The following TMEM200A variants were observed in gnomAD, a reference collection of about 807,000 sequenced individuals.
The protein encoded by TMEM200A is two transmembrane C.
A neutral mutation model predicts 24.3 loss-of-function variants in TMEM200A; 12 were observed. The observed-to-expected ratio is 0.49, with a 90% CI of 0.32 to 0.80. TMEM200A has a LOEUF of 0.80. Among genes scored for constraint, TMEM200A ranks in the 30% least tolerant of loss-of-function variants. TMEM200A has a pLI of 0.04. For missense variants in TMEM200A, 545 were observed against 614.4 expected (o/e 0.89, Z 1.19); for synonymous variants, 224 against 224.4 (o/e 1.00, Z 0.02).
At chr6:130,376,690 G>A (rs189584508) in intron 1 of TMEM200A, among the ~76,000 whole-genome samples, 1 of 147,030 alleles carries the variant, frequency 6.8e-6, no homozygotes, top group Non-Finnish European at 1.5e-5. Context: ...ATTTTAAATT[G>A]TATTCAAAAT....
chr6:130,441,707 G>C lies in TMEM200A; in HGVS notation c.1285G>C (p.Gly429Arg), dbSNP rs868826797. 3 of 1,613,940 alleles carry C rather than the reference G, an allele frequency of 1.9e-6. No homozygotes were observed. The South Asian group carries it at 3.3e-5, about 18-fold the overall frequency. Residue 429 changes from glycine (G) to arginine (R), a missense_variant, in exon 3 of 3, where the codon GGA (glycine) becomes CGA (arginine). Transcript: ENST00000296978. ...TAGGTTGGATCGGAACAACAGCAAG[G>C]GATATATGAAACTAGAGAACAAAGA... Reference protein sequence around the residue: ...WPRLDRNNSKGYMKLENKEDP... With the variant: ...WPRLDRNNSKRYMKLENKEDP...
chr6:130,426,482 T>C (rs1779747209), intron 2 of TMEM200A, among the ~76,000 whole-genome samples: 1 of 138,774 alleles, frequency 7.2e-6, no homozygotes, highest in Non-Finnish European at 1.6e-5. Context: ...TCAGTTTCCC[T>C]TCATCACAAG....
intron 2 of TMEM200A, among the ~76,000 whole-genome samples, chr6:130,411,528 G>C (rs1042728121): frequency 3.3e-5 from 5 of 152,276 alleles, no homozygotes; most frequent in African/African-American, 1.2e-4. Context: ...CAGTTTTCCA[G>C]TAATGCCTTT....
chr6:130,366,461 A>G lies in TMEM200A; in HGVS notation c.-144A>G. ...CGCCCGACGTCCCGACAGCTCCTGG[A>G]GTGAGACCAGGACTGAGAACAGGGA... On this transcript the variant is annotated 5_prime_UTR_variant, in exon 1 of 3. Transcript: ENST00000296978. The surrounding 1 kb of genome is among the most constrained non-coding windows in gnomAD (Gnocchi z 4.4). 1 of 985,314 alleles carries G rather than the reference A, an allele frequency of 1.0e-6. No homozygotes were observed. Among genetic ancestry groups the G allele is most frequent in the African/African-American group, 1.7e-5 (1 of 57,242 alleles). The allele number at this position is 985,314 out of a possible 1,614,324, so 61.0% of individuals were successfully genotyped here.
chr6:130,371,239 G>C (rs528808645), intron 1 of TMEM200A, among the ~76,000 whole-genome samples: 21 of 152,182 alleles, frequency 1.4e-4, no homozygotes, highest in African/African-American at 4.8e-4. Context: ...GGAGGCCTGT[G>C]GTCACCATGA....
At chr6:130,377,009 G>T (rs1778472038) in intron 1 of TMEM200A, among the ~76,000 whole-genome samples, 1 of 152,024 alleles carries the variant, frequency 6.6e-6, no homozygotes, top group Non-Finnish European at 1.5e-5. Context: ...GTGTCTTCTG[G>T]GAGATCTATT....
intron 2 of TMEM200A, among the ~76,000 whole-genome samples, chr6:130,409,701 C>T (rs549803625): frequency 7.2e-5 from 11 of 152,130 alleles, no homozygotes; most frequent in Non-Finnish European, 1.3e-4. Flanking sequence ...GAGGATAATT[C>T]GGTGTCTTAA....
chr6:130,384,142 G>A (rs1003759649), intron 1 of TMEM200A, among the ~76,000 whole-genome samples: 12 of 151,996 alleles, frequency 7.9e-5, no homozygotes, highest in African/African-American at 2.9e-4. Flanking sequence ...GAGAAAAGAA[G>A]AAATCACTTG....
chr6:130,419,414 C>A (rs1016815709), intron 2 of TMEM200A, among the ~76,000 whole-genome samples: 2 of 152,106 alleles, frequency 1.3e-5, no homozygotes, highest in Admixed American at 6.6e-5. Flanking sequence ...ATACTAATTT[C>A]TTTTCCTTTG....
chr6:130,436,863 G>T lies in TMEM200A; in HGVS notation c.-16-3544G>T, dbSNP rs1186750124. On this transcript the variant is annotated intron_variant, in intron 2 of 2. Coordinates refer to ENST00000296978, the MANE Select transcript of TMEM200A (RefSeq NM_001258277.2). ...GATGGAGTCTTGCTATGTTGCCAGT[G>T]CTGGTCTTGAACTGCTGGCCACAAG... Among the ~76,000 whole-genome samples the T allele has an allele frequency of 6.6e-5, 10 of 151,914 alleles. No individual in the cohort carries two copies. The South Asian group carries it at 8.3e-4, about 13-fold the overall frequency.
intron 2 of TMEM200A, among the ~76,000 whole-genome samples, chr6:130,422,294 A>C (rs1430756059): frequency 6.6e-6 from 1 of 151,914 alleles, no homozygotes; most frequent in East Asian, 1.9e-4. Flanking sequence ...TTTAAGATGG[A>C]GTGTCACTCT....
intron 2 of TMEM200A, among the ~76,000 whole-genome samples, chr6:130,430,093 T>A (rs1356263326): frequency 6.6e-6 from 1 of 152,122 alleles, no homozygotes. Flanking sequence ...ATAGACTACA[T>A]GGCTTATAAA....
At position 130,387,918 on chromosome 6, in the gene TMEM200A, A is replaced by C. The variant is rs143230994; in HGVS notation, c.-17+2682A>C. Among the ~76,000 whole-genome samples the C allele has an allele frequency of 7.1e-3, 1,089 of 152,354 alleles. 11 individuals are homozygous for C. Among genetic ancestry groups the C allele is most frequent in the Middle Eastern group, 0.017 (5 of 294 alleles). On this transcript the variant is annotated intron_variant, in intron 2 of 2. Transcript: ENST00000296978. ...CCTTTTTCAAGGTAGGAAAGAATAC[A>C]AAAGTGTAAGGGTAGGTATTCCTAA...
intron 2 of TMEM200A, among the ~76,000 whole-genome samples, chr6:130,420,706 A>G (rs1164133284): frequency 6.6e-6 from 1 of 152,096 alleles, no homozygotes; most frequent in Non-Finnish European, 1.5e-5. Flanking sequence ...GCTCCCAGCA[A>G]TGTCTTCAAG....
In TMEM200A at chr6:130,441,530, G is replaced by A; in HGVS notation, c.1108G>A (p.Gly370Arg). ...ATCTATGGCTCTCGGACCTGGGGCT[G>A]GACAGCTCTTGTCTCCTGGGGCTGC... Reference protein sequence around the residue: ...KSSMALGPGAGQLLSPGAARR... With the variant: ...KSSMALGPGARQLLSPGAARR... Residue 370 changes from glycine (G) to arginine (R), a missense_variant, in exon 3 of 3, where the codon GGA becomes AGA. Physicochemically the swap from Gly to Arg is moderately radical, Grantham distance 125 (BLOSUM62 -2). Coordinates refer to ENST00000296978, the MANE Select transcript of TMEM200A (RefSeq NM_001258277.2). The A allele has an allele frequency of 6.2e-7, 1 of 1,614,016 alleles. No homozygotes were observed.
At chr6:130,391,493 C>T (rs910765698) in intron 2 of TMEM200A, among the ~76,000 whole-genome samples, 1 of 151,108 alleles carries the variant, frequency 6.6e-6, no homozygotes, top group Non-Finnish European at 1.5e-5. Context: ...AAATTAAAGG[C>T]ATCTTTCTCT....
intron 1 of TMEM200A, among the ~76,000 whole-genome samples, chr6:130,372,111 G>T (rs1562547646): frequency 6.6e-6 from 1 of 152,192 alleles, no homozygotes; most frequent in Non-Finnish European, 1.5e-5. Context: ...TGAAAGAGCT[G>T]GCATGGAACC....
chr6:130,439,839 AG>A lies in TMEM200A; in HGVS notation c.-16-563del, dbSNP rs1000627838. 1.4e-4 allele frequency among the ~76,000 whole-genome samples: 22 copies of A among 152,268 alleles called. 1 individual carries two copies. Among genetic ancestry groups the A allele is most frequent in the African/African-American group, 5.3e-4 (22 of 41,564 alleles). On this transcript the variant is annotated intron_variant, in intron 2 of 2. Coordinates refer to ENST00000296978, the MANE Select transcript of TMEM200A (RefSeq NM_001258277.2). ...AGAGAGGTAAGGAAGATGAAAATTG[AG>A]GGGGAAATTAAATGTGGCAGCTAAG... is the stretch of plus-strand genomic sequence containing the variant.
rs60156754 is a variant in TMEM200A at position 130,421,510 on chromosome 6, T to TTGTGTGTGTGTGTGTGTG, written c.-16-18888_-16-18871dup. Among the ~76,000 whole-genome samples, 618 of 149,028 alleles carry TTGTGTGTGTGTGTGTGTG rather than the reference T, an allele frequency of 4.1e-3. 7 individuals are homozygous for TTGTGTGTGTGTGTGTGTG. The highest frequency in any genetic ancestry group is 0.013 in the African/African-American group (542 of 40,672). On this transcript the variant is annotated intron_variant, in intron 2 of 2. Transcript: ENST00000296978. ...CACATCCATTCCTTCACAGTTACCT[T>TTGTGTGTGTGTGTGTGTG]TGTGTGTGTGTGTGTGTGTGTGTGT... is the stretch of plus-strand genomic sequence containing the variant.
Sources: gnomAD v4.1 joint callset for allele counts (sites outside exome capture counted in the v4.1 genomes callset) on GRCh38, gnomAD v4.1.1 for gene constraint, Gnocchi (gnomAD v3.1) non-coding constraint, MANE v1.5 for transcripts, NCBI Gene and HGNC (gene_info 2026-07-23, HGNC 2026-07-21) for gene names.